TEX11: variants seen among roughly 807,000 people sequenced by gnomAD.
The protein encoded by TEX11 is testis expressed 11, also known as testis-expressed protein 11.
In TEX11, 7 loss-of-function variants were observed where a neutral mutation model predicts 84.4. The ratio of observed to expected loss-of-function variants is 0.08; its 90% CI spans 0.05 to 0.16. The LOEUF (loss-of-function observed/expected upper bound fraction) is 0.16. TEX11 is among the 10% of genes least tolerant of loss of function. The probability of loss-of-function intolerance (pLI) is 1.00; values close to 1 mark genes in which losing one functional copy is unlikely to be tolerated. For missense variants in TEX11, 551 were observed against 660.5 expected (o/e 0.83, Z 1.82); for synonymous variants, 264 against 222.8 (o/e 1.18, Z -1.64).
chrX:70,607,112 T>C, intron 22 of TEX11, 83 bp from the exon 23 acceptor site: 1 of 712,307 alleles, frequency 1.4e-6, no homozygotes, highest in Admixed American at 3.3e-5. Context: ...TTTCTGATAC[T>C]TACACCTTTG....
At chrX:70,874,758 A>G (rs753122300) in intron 3 of TEX11, among the ~76,000 whole-genome samples, 8 of 111,296 alleles carry the variant, frequency 7.2e-5, no homozygotes, top group African/African-American at 2.6e-4. Flanking sequence ...GGAGTTAATA[A>G]CTGCACTCCA....
chrX:70,548,255 C>T (rs1473454814), intron 28 of TEX11, among the ~76,000 whole-genome samples: 2 of 106,641 alleles, frequency 1.9e-5, no homozygotes, highest in Non-Finnish European at 3.9e-5. Context: ...ACATCACACA[C>T]CGGGGCCTGT....
intron 2 of TEX11, among the ~76,000 whole-genome samples, chrX:70,882,460 A>G (rs1602208385): frequency 9.1e-6 from 1 of 110,496 alleles, no homozygotes; most frequent in Admixed American, 9.7e-5. Flanking sequence ...TGGGACTACA[A>G]GCACATGCCA....
chrX:70,832,522 G>T (rs2091382442), intron 8 of TEX11, among the ~76,000 whole-genome samples: 1 of 111,838 alleles, frequency 8.9e-6, no homozygotes, highest in Non-Finnish European at 1.9e-5. Flanking sequence ...AATGTTTACT[G>T]AATTAAGCTC....
intron 2 of TEX11, among the ~76,000 whole-genome samples, chrX:70,890,132 T>C (rs976403639): frequency 3.6e-5 from 4 of 111,452 alleles, no homozygotes; most frequent in African/African-American, 1.3e-4. Context: ...GGAGTACCGA[T>C]ACTTATGTCA....
chrX:70,744,392 T>C (rs1346442555), intron 9 of TEX11, among the ~76,000 whole-genome samples, 173 bp from the exon 10 acceptor site: 1 of 109,248 alleles, frequency 9.2e-6, no homozygotes, highest in African/African-American at 3.3e-5. Flanking sequence ...TATAATGATA[T>C]AAAGCAATAC....
chrX:70,655,041 C>T (rs926355427), intron 16 of TEX11, among the ~76,000 whole-genome samples: 1 of 109,121 alleles, frequency 9.2e-6, no homozygotes, highest in Non-Finnish European at 1.9e-5. Flanking sequence ...CACTGCATAA[C>T]AATAAAACTT....
rs187183620 is a variant in TEX11, at chrX:70,840,337, A to C, written c.526-6744T>G. Among the ~76,000 whole-genome samples, 53 of 111,821 alleles carry C rather than the reference A, an allele frequency of 4.7e-4. No individual in the cohort carries two copies. The East Asian group carries it at 0.013, about 27-fold the overall frequency. On this transcript the variant is annotated intron_variant, in intron 7 of 29. Coordinates refer to ENST00000374333, the MANE Select transcript of TEX11 (RefSeq NM_031276.3). ...GGGGACCAATATTCAACATTCTTAAAGGGAAGAATTTTCAACCCACAATCT... is the reference window on the plus strand; with the variant it reads ...GGGGACCAATATTCAACATTCTTAACGGGAAGAATTTTCAACCCACAATCT...
In TEX11 at chrX:70,645,802, C is replaced by T. The variant is rs138280636; in HGVS notation, c.1483+5648G>A. Among the ~76,000 whole-genome samples the T allele has an allele frequency of 5.4e-5, 6 of 110,876 alleles. No homozygotes were observed. In the East Asian group the frequency reaches 1.4e-3, roughly 26 times the overall value. Reference sequence around the variant, plus strand: ...AACACAAAGAAATGGAAAGATATCCCAGGTTCACGGATTGGAAAAATATTG... The same window carrying T: ...AACACAAAGAAATGGAAAGATATCCTAGGTTCACGGATTGGAAAAATATTG... On this transcript the variant is annotated intron_variant, in intron 17 of 29. Transcript: ENST00000374333.
intron 13 of TEX11, among the ~76,000 whole-genome samples, chrX:70,722,158 A>C (rs1479526741): frequency 8.9e-6 from 1 of 112,384 alleles, no homozygotes; most frequent in African/African-American, 3.2e-5. Context: ...GTGCTGCCCA[A>C]TAGAACTTCC....
chrX:70,568,471 T>C (rs1289841986), intron 25 of TEX11, among the ~76,000 whole-genome samples: 5 of 110,316 alleles, frequency 4.5e-5, no homozygotes, highest in Admixed American at 1.9e-4. Flanking sequence ...GTTATTTTGC[T>C]CGTTAGTTGA....
chrX:70,657,685 A>C (rs1272925662), intron 16 of TEX11, among the ~76,000 whole-genome samples: 2 of 110,270 alleles, frequency 1.8e-5, no homozygotes, highest in African/African-American at 6.6e-5. Context: ...CAAATGTCCA[A>C]CAATGATAGA....
intron 7 of TEX11, among the ~76,000 whole-genome samples, chrX:70,835,350 G>T (rs1304326406): frequency 2.7e-5 from 3 of 112,164 alleles, no homozygotes; most frequent in African/African-American, 9.7e-5. Flanking sequence ...AATAATTCAG[G>T]CTACTTTTGA....
chrX:70,803,147 CA>C (rs1032758540), intron 9 of TEX11, among the ~76,000 whole-genome samples: 4 of 111,706 alleles, frequency 3.6e-5, no homozygotes, highest in Non-Finnish European at 7.5e-5. Flanking sequence ...ATTAAACAAA[CA>C]AACAAAAAAA....
chrX:70,569,727 C>T (rs960839956), intron 25 of TEX11, among the ~76,000 whole-genome samples: 6 of 111,544 alleles, frequency 5.4e-5, no homozygotes, highest in Admixed American at 9.6e-5. Flanking sequence ...AGCGGATTTT[C>T]GTGAACCGCA....
chrX:70,901,821 T>C (rs1302479553), intron 2 of TEX11, among the ~76,000 whole-genome samples: 2 of 112,707 alleles, frequency 1.8e-5, no homozygotes, highest in Non-Finnish European at 3.8e-5. Context: ...GGCTATATGG[T>C]ATAGCCTATT....
chrX:70,677,044 C>T (rs1160277956), intron 15 of TEX11, among the ~76,000 whole-genome samples: 1 of 111,962 alleles, frequency 8.9e-6, no homozygotes, highest in Non-Finnish European at 1.9e-5. Flanking sequence ...CGATTGATTG[C>T]TTATTCTCCT....
intron 24 of TEX11, among the ~76,000 whole-genome samples, 163 bp from the exon 25 acceptor site, chrX:70,591,986 C>T (rs1209860539): frequency 9.0e-6 from 1 of 111,482 alleles, no homozygotes; most frequent in African/African-American, 3.3e-5. Context: ...AAATATTAGC[C>T]TCTATTTGCA....
At chrX:70,728,211 C>T (rs1036951798) in intron 11 of TEX11, among the ~76,000 whole-genome samples, 24 of 112,638 alleles carry the variant, frequency 2.1e-4, no homozygotes, top group African/African-American at 7.7e-4. Context: ...ATAGGAACAG[C>T]TCCAGTCTAC....
Sources: allele counts gnomAD v4.1 joint callset (sites outside exome capture counted in the v4.1 genomes callset), GRCh38; gene constraint gnomAD v4.1.1; transcripts MANE v1.5; gene names NCBI Gene and HGNC (gene_info 2026-07-23, HGNC 2026-07-21).